The following NSUN7 variants were observed in gnomAD, a reference collection of about 807,000 sequenced individuals.
NSUN7 encodes NOP2/Sun RNA methyltransferase family member 7.
Under a neutral mutation model 58.5 loss-of-function variants are expected in NSUN7, and 39 were observed. The ratio of observed to expected loss-of-function variants is 0.67; its 90% confidence interval spans 0.52 to 0.87. NSUN7 has a LOEUF of 0.87. Among genes scored for constraint, NSUN7 ranks in the 40% least tolerant of loss-of-function variants. The pLI, the probability that NSUN7 is intolerant of heterozygous loss-of-function variation, is 0.00. For missense variants in NSUN7, 765 were observed against 844.1 expected, an observed-to-expected ratio of 0.91 and a Z score of 1.16; for synonymous variants, 278 against 303.7, an observed-to-expected ratio of 0.92 and a Z score of 0.88.
chr4:40,786,070 G>T, intron 7 of NSUN7: 1 of 1,535,014 alleles, frequency 6.5e-7, no homozygotes, highest in Non-Finnish European at 8.7e-7. Flanking sequence ...AAAGCAAGAA[G>T]AGAAAAGCAT....
Position 40,750,985 on chromosome 4 carries a change from C to G in NSUN7, c.292C>G (p.Leu98Val). Reference protein sequence around the residue: ...RLSYELAFSALKYQDILETIL... With the variant: ...RLSYELAFSAVKYQDILETIL... ...GTCTTATGAGCTGGCTTTCAGTGCC[C>G]TGAAATGTGAGTTGTGCCAGTCTGG... Residue 98 changes from leucine (L) to valine (V), a missense_variant, in exon 2 of 12, where the codon CTG (leucine) becomes GTG (valine). By Grantham distance (32) the Leu-to-Val change is conservative. Transcript: ENST00000381782. 1 of 1,613,050 alleles carries G rather than the reference C, an allele frequency of 6.2e-7. No homozygotes were observed.
At chr4:40,757,547 AT>A (rs1741203065) in intron 2 of NSUN7, among the ~76,000 whole-genome samples, 1 of 143,212 alleles carries the variant, frequency 7.0e-6, no homozygotes, top group Non-Finnish European at 1.5e-5. Context: ...ATATATATAT[AT>A]ATAAAAATTA....
At chr4:40,789,605 C>T (rs1440166986) in intron 7 of NSUN7, among the ~76,000 whole-genome samples, 1 of 151,984 alleles carries the variant, frequency 6.6e-6, no homozygotes, top group Non-Finnish European at 1.5e-5. Flanking sequence ...ACAGATGAAA[C>T]AAGATTGACT....
intron 7 of NSUN7, among the ~76,000 whole-genome samples, chr4:40,779,421 G>C (rs1742420401): frequency 6.6e-6 from 1 of 152,128 alleles, no homozygotes; most frequent in Admixed American, 6.6e-5. Flanking sequence ...GGCTAACACG[G>C]TGAAACAGCG....
intron 4 of NSUN7, 95 bp from the exon 5 acceptor site, chr4:40,774,170 T>C (rs1742151118): frequency 1.3e-5 from 14 of 1,105,654 alleles, no homozygotes; most frequent in Non-Finnish European, 1.9e-5. Context: ...TTGTTATTTG[T>C]TAAAATTCTA....
At chr4:40,808,246 A>G in intron 11 of NSUN7, 61 bp from the exon 12 acceptor site, 1 of 1,508,810 alleles carries the variant, frequency 6.6e-7, no homozygotes, top group Non-Finnish European at 8.9e-7. Flanking sequence ...ATTGATAAAT[A>G]TTTGCGGGAG....
At chr4:40,761,020 A>G (rs1174548188) in intron 3 of NSUN7, 151 bp from the exon 4 acceptor site, 1 of 551,504 alleles carries the variant, frequency 1.8e-6, no homozygotes, top group Non-Finnish European at 3.0e-6. Flanking sequence ...GATTTTTTCT[A>G]TTTTGAAGAC....
intron 9 of NSUN7, among the ~76,000 whole-genome samples, chr4:40,797,962 G>A (rs1397823572): frequency 1.3e-5 from 2 of 152,174 alleles, no homozygotes; most frequent in Non-Finnish European, 2.9e-5. Context: ...TACACTGGCT[G>A]TTCCTTTACC....
At chr4:40,802,508 G>A (rs563642431) in intron 10 of NSUN7, among the ~76,000 whole-genome samples, 3 of 152,270 alleles carry the variant, frequency 2.0e-5, no homozygotes, top group Non-Finnish European at 2.9e-5. Context: ...TTATGTGATG[G>A]TCTGGAGGGA....
At chr4:40,772,900 G>A (rs2154287522) in intron 4 of NSUN7, among the ~76,000 whole-genome samples, 1 of 152,248 alleles carries the variant, frequency 6.6e-6, no homozygotes, top group Middle Eastern at 3.4e-3. Flanking sequence ...ATTTCAGTTA[G>A]ATTTCTACTG....
At chr4:40,762,881 T>C (rs1026483495) in intron 4 of NSUN7, among the ~76,000 whole-genome samples, 1 of 152,082 alleles carries the variant, frequency 6.6e-6, no homozygotes, top group African/African-American at 2.4e-5. Context: ...ATGATCCTTA[T>C]GAGATCATCT....
At chr4:40,792,545 C>G (rs181920190) in intron 8 of NSUN7, among the ~76,000 whole-genome samples, 1 of 151,890 alleles carries the variant, frequency 6.6e-6, no homozygotes, top group East Asian at 1.9e-4. Context: ...AGGTCAGGAG[C>G]TCGAGACCAT....
At chr4:40,776,920 G>A (rs1742298148) in intron 7 of NSUN7, among the ~76,000 whole-genome samples, 1 of 152,192 alleles carries the variant, frequency 6.6e-6, no homozygotes, top group Non-Finnish European at 1.5e-5. Context: ...GCCTGGCCTA[G>A]GAGCTGTCTT....
At chr4:40,773,962 C>A (rs1172879625) in intron 4 of NSUN7, among the ~76,000 whole-genome samples, 1 of 152,054 alleles carries the variant, frequency 6.6e-6, no homozygotes, top group African/African-American at 2.4e-5. Context: ...CCACGCCCGG[C>A]TAATTTTGTA....
At chr4:40,761,150 A>G (rs771399277) in intron 3 of NSUN7, 21 bp from the exon 4 acceptor site, 2 of 1,545,980 alleles carry the variant, frequency 1.3e-6, no homozygotes, top group Non-Finnish European at 1.7e-6. Context: ...ACTTTTCTTT[A>G]TATATGTTTT....
chr4:40,800,310 T>C (rs1420798947), intron 10 of NSUN7, among the ~76,000 whole-genome samples: 1 of 152,218 alleles, frequency 6.6e-6, no homozygotes, highest in African/African-American at 2.4e-5. Flanking sequence ...AGAGCAGTGG[T>C]TGTCAAACAT....
rs534666786 is a variant in NSUN7 at position 40,779,868 on chromosome 4, G to A, written c.1036+3609G>A. Among the ~76,000 whole-genome samples the A allele has an allele frequency of 3.9e-5, 6 of 152,284 alleles. No individual in the cohort carries two copies. The South Asian group carries it at 8.3e-4, about 21-fold the overall frequency. On this transcript the variant is annotated intron_variant, in intron 7 of 11. Coordinates refer to ENST00000381782, the MANE Select transcript of NSUN7 (RefSeq NM_024677.6). ...AGGAAGTGGTAAAGTAGTATATTAA[G>A]TCAATGATGTTTGCTATAATTTCTG...
At chr4:40,806,568 T>C (rs2154289578) in intron 10 of NSUN7, among the ~76,000 whole-genome samples, 1 of 152,280 alleles carries the variant, frequency 6.6e-6, no homozygotes, top group Admixed American at 6.5e-5. Flanking sequence ...CATCTATTAA[T>C]CCTCAAAAAG....
intron 9 of NSUN7, among the ~76,000 whole-genome samples, chr4:40,797,684 A>G (rs1743380863): frequency 6.6e-6 from 1 of 152,152 alleles, no homozygotes; most frequent in African/African-American, 2.4e-5. Context: ...GAATTACTGT[A>G]ATGACCTCCT....
Sources: gnomAD v4.1 joint callset for allele counts (sites outside exome capture counted in the v4.1 genomes callset) on GRCh38, gnomAD v4.1.1 for gene constraint, MANE v1.5 for transcripts, NCBI Gene and HGNC (gene_info 2026-07-23, HGNC 2026-07-21) for gene names.